The following CSMD3 variants were observed in gnomAD, a reference collection of about 807,000 sequenced individuals.
CSMD3 encodes the protein CUB and Sushi multiple domains 3, also known as CUB and sushi domain-containing protein 3.
A neutral mutation model predicts 435.2 loss-of-function variants in CSMD3; 177 were observed. The ratio of observed to expected loss-of-function variants is 0.41; its 90% CI spans 0.36 to 0.46. The LOEUF (loss-of-function observed/expected upper bound fraction) is 0.46, where lower values mean the gene tolerates loss of function less well. CSMD3 is among the 20% of genes least tolerant of loss of function. CSMD3 has a pLI of 0.34. For synonymous variants in CSMD3, 1,656 were observed against 1,520.5 expected (o/e 1.09, Z -2.07); for missense variants, 4,265 against 4,504.6 (o/e 0.95, Z 1.52).
intron 1 of CSMD3, among the ~76,000 whole-genome samples, chr8:113,412,273 C>A (rs985213496): frequency 1.3e-5 from 2 of 152,046 alleles, no homozygotes; most frequent in African/African-American, 4.8e-5. Flanking sequence ...TATCTTTTGG[C>A]AGTGTCTATA....
At chr8:113,220,248 T>G (rs903012464) in intron 3 of CSMD3, among the ~76,000 whole-genome samples, 2 of 151,422 alleles carry the variant, frequency 1.3e-5, no homozygotes, top group Admixed American at 1.3e-4. Context: ...AACTAGTGAC[T>G]AAAATTTATT....
intron 9 of CSMD3, among the ~76,000 whole-genome samples, chr8:112,934,377 A>G (rs1388501707): frequency 2.0e-5 from 3 of 152,212 alleles, no homozygotes; most frequent in Non-Finnish European, 4.4e-5. Flanking sequence ...GTTGCTGAAT[A>G]GAACACATAG....
chr8:112,689,619 A>G (rs2076088453), intron 14 of CSMD3, among the ~76,000 whole-genome samples: 2 of 152,060 alleles, frequency 1.3e-5, no homozygotes, highest in Admixed American at 6.6e-5. Context: ...AAATGTCATG[A>G]AATAAAATGT....
At chr8:113,206,600 A>C (rs1252399983) in intron 3 of CSMD3, among the ~76,000 whole-genome samples, 1 of 152,058 alleles carries the variant, frequency 6.6e-6, no homozygotes. Context: ...TTAATTGCCT[A>C]GTTTTTACAC....
chr8:112,864,415 A>AT (rs968081551), intron 10 of CSMD3, among the ~76,000 whole-genome samples: 2 of 151,508 alleles, frequency 1.3e-5, no homozygotes, highest in Non-Finnish European at 2.9e-5. Flanking sequence ...TGCCCGGTTC[A>AT]TTTTTTTGTA....
At chr8:113,420,967 T>C (rs865950254) in intron 1 of CSMD3, among the ~76,000 whole-genome samples, 1 of 150,748 alleles carries the variant, frequency 6.6e-6, no homozygotes, top group African/African-American at 2.4e-5. Context: ...TATAATACGA[T>C]GATGACTTGT....
At chr8:112,433,011 T>A (rs1025668850) in intron 32 of CSMD3, among the ~76,000 whole-genome samples, 1 of 152,190 alleles carries the variant, frequency 6.6e-6, no homozygotes, top group African/African-American at 2.4e-5. Flanking sequence ...TGTTAACTTT[T>A]TTTGTAACTA....
chr8:112,672,202 TAA>T (rs2075673347), intron 16 of CSMD3, among the ~76,000 whole-genome samples: 1 of 151,872 alleles, frequency 6.6e-6, no homozygotes, highest in Non-Finnish European at 1.5e-5. Flanking sequence ...GAGTTTAGAT[TAA>T]AAAATGAATA....
At chr8:112,265,991 C>T (rs1816904965) in intron 59 of CSMD3, among the ~76,000 whole-genome samples, 1 of 152,088 alleles carries the variant, frequency 6.6e-6, no homozygotes, top group South Asian at 2.1e-4. Flanking sequence ...ATTTATCAGG[C>T]ATGCTGGATG....
chr8:112,346,164 A>C lies in CSMD3; in HGVS notation c.6375T>G (p.Pro2125=). The C allele has an allele frequency of 3.1e-6, 5 of 1,613,760 alleles. No homozygotes were observed. Among genetic ancestry groups the C allele is most frequent in the Non-Finnish European group, 4.2e-6 (5 of 1,179,658 alleles). The change falls in exon 41 of 71, where the codon CCT becomes CCG. Residue 2125 remains proline, a synonymous_variant. Transcript: ENST00000297405. The part of the protein sequence containing the change: ...MSDFSGVILS[P]GFPGNYPSSL... ...TGCTGGGATAGTTTCCAGGAAACCCAGGACTGAGGATCACACCACTGAAGT... is the reference window on the plus strand; with the variant it reads ...TGCTGGGATAGTTTCCAGGAAACCCCGGACTGAGGATCACACCACTGAAGT...
At chr8:112,966,630 G>C (rs894621003) in intron 7 of CSMD3, among the ~76,000 whole-genome samples, 4 of 151,508 alleles carry the variant, frequency 2.6e-5, no homozygotes, top group Non-Finnish European at 5.9e-5. Context: ...TTAAAGTATA[G>C]AATTTTGAGT....
intron 5 of CSMD3, among the ~76,000 whole-genome samples, chr8:113,093,664 C>CA (rs1393543278): frequency 6.6e-6 from 1 of 151,970 alleles, no homozygotes; most frequent in East Asian, 1.9e-4. Flanking sequence ...GAACAGTGCA[C>CA]AAATGGAGGA....
chr8:112,747,882 G>T (rs961285028), intron 13 of CSMD3, among the ~76,000 whole-genome samples: 1 of 148,708 alleles, frequency 6.7e-6, no homozygotes. Flanking sequence ...AGAATGGCGT[G>T]AACCCGGAAG....
At chr8:112,788,102 A>G (rs2078597760) in intron 13 of CSMD3, among the ~76,000 whole-genome samples, 1 of 152,048 alleles carries the variant, frequency 6.6e-6, no homozygotes, top group Non-Finnish European at 1.5e-5. Context: ...AAAAATGAAA[A>G]ATTAAATTTT....
rs1327496218 is a variant in CSMD3 at position 112,441,179 on chromosome 8, G to T, written c.5395+31412C>A. Among the ~76,000 whole-genome samples, 10 of 152,084 alleles carry T rather than the reference G, an allele frequency of 6.6e-5. No homozygotes were observed. The South Asian group carries it at 2.1e-3, about 31-fold the overall frequency. Reference sequence around the variant, plus strand: ...TCTCTCTCAAGTTCAAAGTTCCACAGATCTCTAGGGCAGGGGTAAAATGCC... The same window carrying T: ...TCTCTCTCAAGTTCAAAGTTCCACATATCTCTAGGGCAGGGGTAAAATGCC... On this transcript the variant is annotated intron_variant, in intron 32 of 70. Coordinates refer to ENST00000297405, the MANE Select transcript of CSMD3 (RefSeq NM_198123.2).
intron 13 of CSMD3, among the ~76,000 whole-genome samples, chr8:112,773,196 A>G (rs2078165359): frequency 6.6e-6 from 1 of 152,124 alleles, no homozygotes; most frequent in South Asian, 2.1e-4. Flanking sequence ...AAGAATAAAC[A>G]AAATGGATCA....
At chr8:112,237,756 T>C (rs866926455) in intron 66 of CSMD3, among the ~76,000 whole-genome samples, 8 of 152,088 alleles carry the variant, frequency 5.3e-5, no homozygotes, top group South Asian at 4.1e-4. Flanking sequence ...GCAGTGGGAA[T>C]AGATTTTTAA....
At chr8:113,243,030 T>A (rs902410457) in intron 3 of CSMD3, among the ~76,000 whole-genome samples, 3 of 151,980 alleles carry the variant, frequency 2.0e-5, no homozygotes, top group African/African-American at 7.2e-5. Flanking sequence ...ACAATAGTTC[T>A]GCATAAATTT....
intron 10 of CSMD3, among the ~76,000 whole-genome samples, chr8:112,873,513 A>G (rs1303272279): frequency 6.6e-6 from 1 of 151,990 alleles, no homozygotes; most frequent in Non-Finnish European, 1.5e-5. Flanking sequence ...CATATATTAT[A>G]TTTTAATTAT....
Sources: allele counts gnomAD v4.1 joint callset (sites outside exome capture counted in the v4.1 genomes callset), GRCh38; gene constraint gnomAD v4.1.1; transcripts MANE v1.5; gene names NCBI Gene and HGNC (gene_info 2026-07-23, HGNC 2026-07-21).